The following MAPK8IP2 variants were observed in gnomAD, a reference collection of about 807,000 sequenced individuals.
MAPK8IP2 encodes C-Jun-amino-terminal kinase-interacting protein 2.
Under a neutral mutation model 75.6 loss-of-function variants are expected in MAPK8IP2, and 15 were observed. That is an observed-to-expected ratio of 0.20 (90% CI 0.13 to 0.31). MAPK8IP2 has a LOEUF of 0.31. Ranked by LOEUF, MAPK8IP2 falls within the 10% of genes least tolerant of loss-of-function variation. The probability of loss-of-function intolerance (pLI) is 1.00; values close to 1 mark genes in which losing one functional copy is unlikely to be tolerated. For missense variants in MAPK8IP2, 1,089 were observed against 1,211.2 expected, an observed-to-expected ratio of 0.90 and a Z score of 1.50; for synonymous variants, 632 against 554.5, an observed-to-expected ratio of 1.14 and a Z score of -1.96.
intron 1 of MAPK8IP2, chr22:50,601,467 TC>T (rs2070936451): frequency 3.7e-6 from 1 of 273,812 alleles, no homozygotes; most frequent in Non-Finnish European, 7.2e-6. Flanking sequence ...CAGCTCCCCC[TC>T]CCCTGCTCTG....
In MAPK8IP2 at chr22:50,603,712, C is replaced by G; in HGVS notation, c.534C>G (p.Ala178=). The change falls in exon 4 of 12, where the codon GCC becomes GCG. Residue 178 remains alanine, a synonymous_variant. Coordinates refer to ENST00000329492, the MANE Select transcript of MAPK8IP2 (RefSeq NM_012324.6). ...CGCTATGCTCACCCGCCCCGGAGGCCCTCAGAGGTGAGGGGTGGTGGGCCC... is the reference window on the plus strand; with the variant it reads ...CGCTATGCTCACCCGCCCCGGAGGCGCTCAGAGGTGAGGGGTGGTGGGCCC... ...ETALCSPAPE[A]LRELPGPLPA... The G allele has an allele frequency of 6.4e-7, 1 of 1,569,448 alleles. No individual in the cohort carries two copies. The highest frequency in any genetic ancestry group is 8.6e-7 in the Non-Finnish European group (1 of 1,157,470).
At chr22:50,609,424 G>A (rs1372864989) in intron 10 of MAPK8IP2, among the ~76,000 whole-genome samples, 1 of 152,188 alleles carries the variant, frequency 6.6e-6, no homozygotes, top group African/African-American at 2.4e-5. Context: ...CCAGATCTGT[G>A]GGTCGGCGCT....
intron 2 of MAPK8IP2, among the ~76,000 whole-genome samples, chr22:50,602,877 C>T (rs2070960303): frequency 1.3e-5 from 2 of 152,210 alleles, no homozygotes; most frequent in African/African-American, 2.4e-5. Context: ...AGACCAAAAA[C>T]CATGTCCAGT....
At chr22:50,601,099 A>T (rs938215113) in intron 1 of MAPK8IP2, 12 of 149,704 alleles carry the variant, frequency 8.0e-5, no homozygotes, top group African/African-American at 3.2e-4. Context: ...AGCCTCAGTG[A>T]CCCCCGGGCC....
At chr22:50,608,538 G>A (rs1471069691) in intron 10 of MAPK8IP2, among the ~76,000 whole-genome samples, 18 of 140,474 alleles carry the variant, frequency 1.3e-4, no homozygotes, top group African/African-American at 2.7e-4. Context: ...CTGGGGTGGA[G>A]AGGTGGGACA....
chr22:50,603,999 A>G lies in MAPK8IP2; in HGVS notation c.700A>G (p.Ser234Gly), dbSNP rs1483601399. The G allele has an allele frequency of 1.9e-6, 3 of 1,558,340 alleles. No individual in the cohort carries two copies. Among genetic ancestry groups the G allele is most frequent in the Admixed American group, 3.7e-5 (2 of 53,396 alleles). Reference sequence around the variant, plus strand: ...TCCCGGCATCGAGGCTGACCTGAGAAGCCGCTCGAGCGGCGGCCGCGGGGG... The same window carrying G: ...TCCCGGCATCGAGGCTGACCTGAGAGGCCGCTCGAGCGGCGGCCGCGGGGG... ...SDPGIEADLR[S>G]RSSGGRGGRR... The change falls in exon 5 of 12, where the codon AGC (serine) becomes GGC (glycine). Residue 234 changes from serine (S) to glycine (G), a missense_variant. Transcript: ENST00000329492.
chr22:50,604,006 C>A lies in MAPK8IP2; in HGVS notation c.707C>A (p.Ser236Ter). Residue 236 changes from serine to a stop codon, truncating the protein, a stop_gained, in exon 5 of 12, where the codon TCG becomes TAG. Coordinates refer to ENST00000329492, the MANE Select transcript of MAPK8IP2 (RefSeq NM_012324.6). LOFTEE classifies it high-confidence loss of function. ...PGIEADLRSR[S>*]SGGRGGRRSS... ...ATCGAGGCTGACCTGAGAAGCCGCTCGAGCGGCGGCCGCGGGGGACGTCGC... is the reference window on the plus strand; with the variant it reads ...ATCGAGGCTGACCTGAGAAGCCGCTAGAGCGGCGGCCGCGGGGGACGTCGC... 1 of 1,557,150 alleles carries A rather than the reference C, an allele frequency of 6.4e-7. No individual in the cohort carries two copies. Among genetic ancestry groups the A allele is most frequent in the East Asian group, 2.4e-5 (1 of 41,552 alleles).
rs1347957678 is a variant in MAPK8IP2, at chr22:50,610,912, G to A, written c.*133G>A. On this transcript the variant is annotated 3_prime_UTR_variant, in exon 12 of 12. Coordinates refer to ENST00000329492, the MANE Select transcript of MAPK8IP2 (RefSeq NM_012324.6). The surrounding 1 kb of genome is among the most constrained non-coding windows in gnomAD (Gnocchi z 4.3). ...GGACCTTACGCTTGTGGGGGTCTGCGGGCTGGGAACTCTCGTCCTCGGTCC... is the reference window on the plus strand; with the variant it reads ...GGACCTTACGCTTGTGGGGGTCTGCAGGCTGGGAACTCTCGTCCTCGGTCC... The A allele has an allele frequency of 1.3e-5, 10 of 752,362 alleles. No individual in the cohort carries two copies. The East Asian group carries it at 1.4e-4, about 11-fold the overall frequency. The allele number at this position is 752,362 out of a possible 1,614,324, so 46.6% of individuals were successfully genotyped here.
At chr22:50,606,211 C>A (rs2071046611) in intron 8 of MAPK8IP2, among the ~76,000 whole-genome samples, 1 of 152,230 alleles carries the variant, frequency 6.6e-6, no homozygotes, top group South Asian at 2.1e-4. Flanking sequence ...GCCATCAGCC[C>A]TTCCTCTTCC....
intron 2 of MAPK8IP2, among the ~76,000 whole-genome samples, chr22:50,602,909 G>A (rs1041950256): frequency 3.9e-5 from 6 of 152,184 alleles, no homozygotes; most frequent in Non-Finnish European, 7.3e-5. Context: ...GTGTTAAAAC[G>A]CTGCGAAGGG....
At chr22:50,609,633 T>C (rs2071112016) in intron 10 of MAPK8IP2, 1 of 409,872 alleles carries the variant, frequency 2.4e-6, no homozygotes, top group Admixed American at 2.6e-5. Context: ...GCTGCAGAAC[T>C]CTGCCTGCCT....
intron 1 of MAPK8IP2, 113 bp from the exon 2 acceptor site, chr22:50,601,676 C>T (rs900459369): frequency 5.1e-5 from 36 of 711,284 alleles, no homozygotes; most frequent in Non-Finnish European, 8.5e-5. Context: ...GAGCTGGGGG[C>T]TGTGGAAACC....
rs539101233 is a variant in MAPK8IP2 at position 50,604,968 on chromosome 22, G to A, written c.1669G>A (p.Gly557Ser). 22 of 1,612,232 alleles carry A rather than the reference G, an allele frequency of 1.4e-5. No homozygotes were observed. Among genetic ancestry groups the A allele is most frequent in the African/African-American group, 1.3e-4 (10 of 75,046 alleles). ...EEAGAALLGGGQVSGDTSPDS... is the reference protein window; with the variant it reads ...EEAGAALLGGSQVSGDTSPDS... ...GGCGGGCGCGGCGCTGCTAGGCGGCGGTCAGGTCTCGGGGGACACCTCGCC... is the reference window on the plus strand; with the variant it reads ...GGCGGGCGCGGCGCTGCTAGGCGGCAGTCAGGTCTCGGGGGACACCTCGCC... Residue 557 changes from glycine (G) to serine (S), a missense_variant, in exon 5 of 12, where the codon GGT becomes AGT. Physicochemically the swap from Gly to Ser is moderately conservative, Grantham distance 56. Coordinates refer to ENST00000329492, the MANE Select transcript of MAPK8IP2 (RefSeq NM_012324.6).
At chr22:50,608,522 C>A (rs370711290) in intron 10 of MAPK8IP2, among the ~76,000 whole-genome samples, 5 of 129,748 alleles carry the variant, frequency 3.9e-5, no homozygotes, top group Admixed American at 1.6e-4. Context: ...GACAGCGGGG[C>A]CAGCTCTGGG....
At chr22:50,606,802 G>GGGGT (rs2071059766) in intron 9 of MAPK8IP2, 37 bp downstream of exon 9, 1 of 1,585,562 alleles carries the variant, frequency 6.3e-7, no homozygotes, top group African/African-American at 1.3e-5. Context: ...GGGACTGGGG[G>GGGGT]ATAGGGTTAG....
At position 50,612,215 on chromosome 22, in the gene MAPK8IP2, A is replaced by C. The variant is rs2071161399; in HGVS notation, c.*1436A>C. On this transcript the variant is annotated 3_prime_UTR_variant, in exon 12 of 12. Coordinates refer to ENST00000329492, the MANE Select transcript of MAPK8IP2 (RefSeq NM_012324.6). ...ACAATCTACTTAGATCTTAAAATGGATATTTAAAAAATTCTCCAGAGAAAG... is the reference window on the plus strand; with the variant it reads ...ACAATCTACTTAGATCTTAAAATGGCTATTTAAAAAATTCTCCAGAGAAAG... 1 of 152,150 alleles carries C rather than the reference A, an allele frequency of 6.6e-6. No homozygotes were observed. The highest frequency in any genetic ancestry group is 6.5e-5 in the Admixed American group (1 of 15,280). 9.4% of individuals were successfully genotyped at this position (152,150 alleles called of 1,614,324 possible).
In MAPK8IP2 at chr22:50,603,952, G is replaced by A; in HGVS notation, c.653G>A (p.Gly218Glu). 2.6e-6 allele frequency: 4 copies of A among 1,548,038 alleles called. No homozygotes were observed. Among genetic ancestry groups the A allele is most frequent in the Non-Finnish European group, 3.5e-6 (4 of 1,152,186 alleles). ...GNRPAEPPAP[G>E]GTSPSSDPGI... ...CGGCCTGCGGAACCCCCTGCGCCAG[G>A]GGGGACTTCGCCCTCCTCAGATCCC... The change falls in exon 5 of 12, where the codon GGG (glycine) becomes GAG (glutamate). Residue 218 changes from glycine (G) to glutamate (E), a missense_variant. By Grantham distance (98) the Gly-to-Glu change is moderately conservative (BLOSUM62 -2). Transcript: ENST00000329492.
rs935438905 is a variant in MAPK8IP2, at chr22:50,603,414, C to T, written c.363C>T (p.Pro121=). 6 of 1,562,360 alleles carry T rather than the reference C, an allele frequency of 3.8e-6. No homozygotes were observed. In the South Asian group the frequency reaches 4.7e-5, roughly 12 times the overall value. Reference sequence around the variant, plus strand: ...ACCCTGGCTCAGAGGCACCTGCCCCCGGGCCCCTTATCCCCTCCCCTTCCG... The same window carrying T: ...ACCCTGGCTCAGAGGCACCTGCCCCTGGGCCCCTTATCCCCTCCCCTTCCG... ...GGDPGSEAPA[P]GPLIPSPSVE... Residue 121 remains proline, a synonymous_variant, in exon 3 of 12, where the codon CCC becomes CCT. Transcript: ENST00000329492.
chr22:50,606,018 C>T (rs1008736842), intron 8 of MAPK8IP2, 84 bp downstream of exon 8: 1 of 1,130,896 alleles, frequency 8.8e-7, no homozygotes, highest in Non-Finnish European at 1.3e-6. Flanking sequence ...GGGCTTGAGG[C>T]TCCAAGGTCT....
Sources: allele counts gnomAD v4.1 joint callset (sites outside exome capture counted in the v4.1 genomes callset), GRCh38; gene constraint gnomAD v4.1.1; non-coding constraint Gnocchi (gnomAD v3.1); transcripts MANE v1.5; gene names NCBI Gene and HGNC (gene_info 2026-07-23, HGNC 2026-07-21).